The following CGGBP1 variants were observed in gnomAD, a reference collection of about 807,000 sequenced individuals.
CGGBP1 encodes CGG triplet repeat-binding protein 1.
A neutral mutation model predicts 11.4 loss-of-function variants in CGGBP1; 4 were observed. The observed-to-expected ratio is 0.35, with a 90% CI of 0.17 to 0.80. The LOEUF (loss-of-function observed/expected upper bound fraction) is 0.80, where lower values mean the gene tolerates loss of function less well. Among genes scored for constraint, CGGBP1 ranks in the 30% least tolerant of loss-of-function variants. The probability of loss-of-function intolerance (pLI) is 0.52; values close to 1 mark genes in which losing one functional copy is unlikely to be tolerated. For synonymous variants in CGGBP1, 76 were observed against 74.1 expected (o/e 1.03, Z -0.13); for missense variants, 135 against 202.1 (o/e 0.67, Z 2.01).
At chr3:88,122,616 A>G (rs1559724983) in intron 2 of CGGBP1, among the ~76,000 whole-genome samples, 1 of 152,236 alleles carries the variant, frequency 6.6e-6, no homozygotes, top group Non-Finnish European at 1.5e-5. Context: ...TATTTAGCAC[A>G]GTGTAATGTG....
chr3:88,095,567 A>C, intron 2 of CGGBP1: 1 of 520,334 alleles, frequency 1.9e-6, no homozygotes, highest in South Asian at 1.4e-5. Flanking sequence ...CATTTCATTA[A>C]AAACATAAAT....
At chr3:88,124,069 G>T (rs1380083188) in intron 2 of CGGBP1, among the ~76,000 whole-genome samples, 2 of 152,104 alleles carry the variant, frequency 1.3e-5, no homozygotes, top group African/African-American at 4.8e-5. Context: ...TGGAAATGCA[G>T]AAATTTCATG....
intron 2 of CGGBP1, among the ~76,000 whole-genome samples, chr3:88,090,720 A>G (rs1459647701): frequency 6.6e-6 from 1 of 152,190 alleles, no homozygotes; most frequent in East Asian, 1.9e-4. Flanking sequence ...CATTCATGGT[A>G]AGTGCCCTGT....
Position 88,054,382 on chromosome 3 carries a change from CAA to C in CGGBP1, c.*1089_*1090del, listed in dbSNP as rs1706493268. The C allele has an allele frequency of 6.6e-6, 1 of 152,106 alleles. No homozygotes were observed. The allele number at this position is 152,106 out of a possible 1,614,324, so 9.4% of individuals were successfully genotyped here. A position where few individuals can be genotyped will look rare whatever the true frequency, so the allele number is the denominator to read the frequency against. On this transcript the variant is annotated 3_prime_UTR_variant, in exon 4 of 4. Transcript: ENST00000482016. ...TCTTTAAGAGAACAATTTCCTCACC[CAA>C]AGTTATGCAGGATACTGCCAGATCT...
intron 2 of CGGBP1, chr3:88,140,896 C>T (rs1707087364): frequency 1.2e-6 from 2 of 1,613,514 alleles, no homozygotes; most frequent in African/African-American, 2.7e-5. Flanking sequence ...AGAGTAGATG[C>T]CTGTTCTGAT....
At chr3:88,084,868 T>C (rs1266923473) in intron 2 of CGGBP1, among the ~76,000 whole-genome samples, 1 of 152,196 alleles carries the variant, frequency 6.6e-6, no homozygotes, top group Non-Finnish European at 1.5e-5. Context: ...TAGTAGGTTT[T>C]CATCACAGTT....
chr3:88,117,730 C>T (rs1705496506), intron 2 of CGGBP1, among the ~76,000 whole-genome samples: 1 of 152,002 alleles, frequency 6.6e-6, no homozygotes, highest in South Asian at 2.1e-4. Context: ...ACTAGGATCT[C>T]AGATTATGGT....
chr3:88,106,147 G>A (rs767769846), intron 2 of CGGBP1, among the ~76,000 whole-genome samples: 85 of 152,180 alleles, frequency 5.6e-4, no homozygotes, highest in Admixed American at 5.0e-3. Context: ...TCAGTCTCAG[G>A]TACTCTGTTA....
chr3:88,133,982 G>C (rs1356610918), intron 2 of CGGBP1, among the ~76,000 whole-genome samples: 1 of 152,018 alleles, frequency 6.6e-6, no homozygotes, highest in East Asian at 1.9e-4. Flanking sequence ...TTCTGAGTGG[G>C]TTCAGGTGAT....
chr3:88,059,401 G>C, upstream of CGGBP1: 3 of 1,534,734 alleles, frequency 2.0e-6, no homozygotes, highest in South Asian at 3.6e-5. Flanking sequence ...GCTGGGCCCT[G>C]TGGGGCTTAG....
upstream of CGGBP1, chr3:88,059,101 TG>T: frequency 1.2e-6 from 1 of 853,358 alleles, no homozygotes; most frequent in Non-Finnish European, 1.7e-6. Context: ...CCAATAGTAG[TG>T]GAAAGGCGGG....
chr3:88,075,742 C>T (rs1707764465), intron 2 of CGGBP1, among the ~76,000 whole-genome samples: 1 of 152,088 alleles, frequency 6.6e-6, no homozygotes, highest in South Asian at 2.1e-4. Flanking sequence ...AAATTTGCCT[C>T]GCCTATCTTC....
chr3:88,141,714 A>G, intron 1 of CGGBP1: 2 of 1,313,128 alleles, frequency 1.5e-6, no homozygotes, highest in South Asian at 1.7e-5. Context: ...CTATAAGAAA[A>G]TGCATCATCA....
At chr3:88,068,880 G>A (rs1178154176) in intron 2 of CGGBP1, among the ~76,000 whole-genome samples, 15 of 151,964 alleles carry the variant, frequency 9.9e-5, no homozygotes, top group African/African-American at 3.6e-4. Context: ...AAGCCAGCCC[G>A]TGCACTTAGC....
At chr3:88,059,040 A>C (rs567298184), upstream of CGGBP1, 92 of 518,902 alleles carry the variant, frequency 1.8e-4, no homozygotes, top group South Asian at 2.1e-3. Flanking sequence ...GCAACCGCCG[A>C]GCAGCATTGA....
intron 2 of CGGBP1, among the ~76,000 whole-genome samples, chr3:88,125,515 C>G (rs1456519378): frequency 6.6e-6 from 1 of 151,460 alleles, no homozygotes; most frequent in Non-Finnish European, 1.5e-5. Context: ...AAATCTAAAG[C>G]AAAGTAGAGG....
At chr3:88,067,909 G>A (rs762607173) in intron 2 of CGGBP1, among the ~76,000 whole-genome samples, 35 of 151,312 alleles carry the variant, frequency 2.3e-4, no homozygotes, top group Non-Finnish European at 4.4e-4. Context: ...TAGTAAATTG[G>A]TGTGAACTGT....
At chr3:88,060,665 G>A (rs148762854), upstream of CGGBP1, among the ~76,000 whole-genome samples, 1 of 152,174 alleles carries the variant, frequency 6.6e-6, no homozygotes, top group African/African-American at 2.4e-5. Context: ...ATATGTGAAG[G>A]GTTTGAATCA....
intron 2 of CGGBP1, among the ~76,000 whole-genome samples, chr3:88,077,102 T>C (rs1359422505): frequency 2.0e-5 from 3 of 152,270 alleles, no homozygotes; most frequent in African/African-American, 7.2e-5. Context: ...TAAACAGGAA[T>C]GTAGAGGAAA....
Sources: allele counts gnomAD v4.1 joint callset (sites outside exome capture counted in the v4.1 genomes callset), GRCh38; gene constraint gnomAD v4.1.1; transcripts MANE v1.5; gene names NCBI Gene and HGNC (gene_info 2026-07-23, HGNC 2026-07-21).